Variants in CCDC178 observed in about 807,000 individuals in gnomAD.
CCDC178 encodes the protein coiled-coil domain-containing protein 178.
A neutral mutation model predicts 117.4 loss-of-function variants in CCDC178; 126 were observed. That is an observed-to-expected ratio of 1.07 (90% CI 0.93 to 1.24). CCDC178 has a LOEUF of 1.24. Among genes scored for constraint, CCDC178 ranks in the 50% most tolerant of loss-of-function variants. The probability of loss-of-function intolerance (pLI) is 0.00; values close to 1 mark genes in which losing one functional copy is unlikely to be tolerated. For synonymous variants in CCDC178, 283 were observed against 313.4 expected, an observed-to-expected ratio of 0.90 and a Z score of 1.02; for missense variants, 1,030 against 986.9, an observed-to-expected ratio of 1.04 and a Z score of -0.59.
At chr18:33,226,728 T>C in intron 16 of CCDC178, 65 bp downstream of exon 16, 2 of 1,231,066 alleles carry the variant, frequency 1.6e-6, no homozygotes, top group South Asian at 2.6e-5. Context: ...TACAGGCAAA[T>C]TTAAAATGCT....
chr18:33,393,626 A>G (rs907770469), intron 4 of CCDC178, among the ~76,000 whole-genome samples: 10 of 151,958 alleles, frequency 6.6e-5, no homozygotes, highest in East Asian at 3.9e-4. Context: ...TGCTCAATAT[A>G]TTTTTGAGAT....
At chr18:33,144,753 A>G (rs372808553) in intron 20 of CCDC178, among the ~76,000 whole-genome samples, 1 of 152,340 alleles carries the variant, frequency 6.6e-6, no homozygotes, top group East Asian at 1.9e-4. Context: ...TGCCTAAATA[A>G]CAGAAAAGTC....
At chr18:33,215,410 A>C (rs183451981) in intron 19 of CCDC178, 140 bp downstream of exon 19, 1 of 516,220 alleles carries the variant, frequency 1.9e-6, no homozygotes, top group Admixed American at 4.8e-5. Context: ...TAAAATTATC[A>C]AATAACACAT....
At chr18:33,427,680 A>C (rs1269480405) in intron 2 of CCDC178, among the ~76,000 whole-genome samples, 3 of 152,196 alleles carry the variant, frequency 2.0e-5, no homozygotes, top group African/African-American at 7.2e-5. Flanking sequence ...CATTTTTCTC[A>C]TATAAATCAA....
At chr18:32,960,824 T>A (rs1448140247) in intron 22 of CCDC178, among the ~76,000 whole-genome samples, 1 of 152,164 alleles carries the variant, frequency 6.6e-6, no homozygotes, top group Non-Finnish European at 1.5e-5. Context: ...TTTCCTAATT[T>A]TTCTTATAAT....
At chr18:33,184,796 G>A (rs185690047) in intron 20 of CCDC178, among the ~76,000 whole-genome samples, 24 of 152,098 alleles carry the variant, frequency 1.6e-4, no homozygotes, top group Admixed American at 1.6e-3. Flanking sequence ...GGGAAAATGT[G>A]TGCAGTTATT....
At chr18:33,404,711 C>T (rs1001189861) in intron 3 of CCDC178, among the ~76,000 whole-genome samples, 21 of 152,130 alleles carry the variant, frequency 1.4e-4, no homozygotes, top group African/African-American at 5.1e-4. Context: ...ACAACTAAAA[C>T]ATCTATCTAC....
At chr18:33,409,314 G>T (rs2144889439) in intron 3 of CCDC178, among the ~76,000 whole-genome samples, 1 of 152,078 alleles carries the variant, frequency 6.6e-6, no homozygotes, top group Middle Eastern at 3.4e-3. Flanking sequence ...CCAACTCCTG[G>T]TCTCAAGTGA....
chr18:33,280,697 C>G (rs2060012982), intron 12 of CCDC178, among the ~76,000 whole-genome samples: 1 of 152,142 alleles, frequency 6.6e-6, no homozygotes, highest in South Asian at 2.1e-4. Context: ...AGACTTGGAA[C>G]CAAGCCAAAT....
intron 21 of CCDC178, among the ~76,000 whole-genome samples, chr18:33,006,927 A>C (rs1053503755): frequency 1.3e-5 from 2 of 152,092 alleles, no homozygotes; most frequent in African/African-American, 4.8e-5. Context: ...AGCTCCAAAA[A>C]GGAACACAGC....
At chr18:33,258,854 C>T (rs1006665801) in intron 14 of CCDC178, among the ~76,000 whole-genome samples, 2 of 152,034 alleles carry the variant, frequency 1.3e-5, no homozygotes, top group African/African-American at 4.8e-5. Flanking sequence ...AGCTATTTCT[C>T]AAAGTGCTAA....
chr18:33,394,039 C>T (rs1214185564), intron 4 of CCDC178, among the ~76,000 whole-genome samples: 2 of 151,812 alleles, frequency 1.3e-5, no homozygotes, highest in Non-Finnish European at 2.9e-5. Context: ...CATCAGGATT[C>T]ATCTTAAAAT....
At chr18:33,044,881 A>T (rs1291363638) in intron 21 of CCDC178, among the ~76,000 whole-genome samples, 1 of 152,138 alleles carries the variant, frequency 6.6e-6, no homozygotes, top group African/African-American at 2.4e-5. Flanking sequence ...ACATGGATGG[A>T]AATGGAGGCC....
intron 12 of CCDC178, among the ~76,000 whole-genome samples, chr18:33,278,588 A>C (rs1277805358): frequency 2.0e-5 from 3 of 152,100 alleles, no homozygotes; most frequent in Non-Finnish European, 4.4e-5. Context: ...TTATTCTATC[A>C]TATACAAAAC....
chr18:33,117,214 T>C (rs1205614133), intron 20 of CCDC178, among the ~76,000 whole-genome samples: 1 of 152,092 alleles, frequency 6.6e-6, no homozygotes, highest in Non-Finnish European at 1.5e-5. Context: ...AGAAGAAGAT[T>C]TTAGAAATCA....
intron 22 of CCDC178, among the ~76,000 whole-genome samples, chr18:32,961,668 A>T (rs1007923161): frequency 6.6e-6 from 1 of 152,076 alleles, no homozygotes; most frequent in Non-Finnish European, 1.5e-5. Flanking sequence ...TCTCATAAGG[A>T]GCAGGCAGCC....
chr18:33,178,992 G>T (rs1452308019), intron 20 of CCDC178, among the ~76,000 whole-genome samples: 3 of 139,790 alleles, frequency 2.1e-5, no homozygotes, highest in Non-Finnish European at 3.0e-5. Context: ...AACAATATCT[G>T]GCATGTGTTA....
intron 20 of CCDC178, among the ~76,000 whole-genome samples, chr18:33,177,183 C>G (rs2058673601): frequency 6.6e-6 from 1 of 151,802 alleles, no homozygotes; most frequent in African/African-American, 2.4e-5. Context: ...GGGAGGGGAA[C>G]ATCACACACC....
At position 33,245,406 on chromosome 18, in the gene CCDC178, C is replaced by T. The variant is rs754317778; in HGVS notation, c.1432G>A (p.Glu478Lys). The T allele has an allele frequency of 1.9e-5, 29 of 1,561,676 alleles. No individual in the cohort carries two copies. Among genetic ancestry groups the T allele is most frequent in the East Asian group, 4.7e-5 (2 of 42,802 alleles). ...NESIRKKSKY[E>K]SEIKYLTIMK... ...ATTGTCAAATATTTTATTTCAGATT[C>T]GTATTTTGATTTTTTCCGTATGCTG... Residue 478 changes from glutamate (E) to lysine (K), a missense_variant, in exon 15 of 23, where the codon GAA becomes AAA. Physicochemically the swap from Glu to Lys is moderately conservative, Grantham distance 56. Coordinates refer to ENST00000383096, the MANE Select transcript of CCDC178 (RefSeq NM_001105528.4).
Sources: gnomAD v4.1 joint callset for allele counts (sites outside exome capture counted in the v4.1 genomes callset) on GRCh38, gnomAD v4.1.1 for gene constraint, MANE v1.5 for transcripts, NCBI Gene and HGNC (gene_info 2026-07-23, HGNC 2026-07-21) for gene names.